Variants in RASA3 observed in about 807,000 individuals in gnomAD.
RASA3 encodes RAS p21 protein activator 3.
In RASA3, 73 loss-of-function variants were observed where a neutral mutation model predicts 110.0. The ratio of observed to expected loss-of-function variants is 0.66; its 90% CI spans 0.55 to 0.81. The LOEUF (loss-of-function observed/expected upper bound fraction) is 0.81. RASA3 is among the 30% of genes least tolerant of loss of function. The pLI, the probability that RASA3 is intolerant of heterozygous loss-of-function variation, is 0.00. For missense variants in RASA3, 976 were observed against 1,113.2 expected (o/e 0.88, Z 1.75); for synonymous variants, 500 against 451.4 (o/e 1.11, Z -1.37).
rs1309651608 is a variant in RASA3, at chr13:113,978,353, G to A, written c.*994C>T. On this transcript the variant is annotated 3_prime_UTR_variant, in exon 24 of 24. Transcript: ENST00000334062. ...TTGATTTTCTGGAGGACCTGCAGCT[G>A]GCCTTCCTGAGACAGGCTCCATTCC... 1.3e-5 allele frequency: 2 copies of A among 152,410 alleles called. No individual in the cohort carries two copies. The highest frequency in any genetic ancestry group is 6.8e-3 in the Middle Eastern group (2 of 294). 9.4% of individuals were successfully genotyped at this position (152,410 alleles called of 1,614,324 possible).
chr13:114,020,504 G>C (rs2053903426), intron 9 of RASA3, among the ~76,000 whole-genome samples: 1 of 152,320 alleles, frequency 6.6e-6, no homozygotes, highest in East Asian at 1.9e-4. Flanking sequence ...ACGGTTTCTG[G>C]GATGGAAACC....
Position 114,048,314 on chromosome 13 carries a change from C to CA in RASA3, c.277+3737dup, listed in dbSNP as rs566493305. ...TGGGCGACAGAAAGAGACTCCGTCT[C>CA]AAAAAAAAAAAAAAAGAAGAAGAAA... On this transcript the variant is annotated intron_variant, in intron 3 of 23. Coordinates refer to ENST00000334062, the MANE Select transcript of RASA3 (RefSeq NM_007368.4). The surrounding 1 kb of genome is among the most constrained non-coding windows in gnomAD (Gnocchi z 4.3). 0.2 allele frequency among the ~76,000 whole-genome samples: 23,351 copies of CA among 114,186 alleles called. 2,218 individuals are homozygous for CA. Among genetic ancestry groups the CA allele is most frequent in the Middle Eastern group, 0.26 (58 of 224 alleles). The allele number at this position is 114,186 out of a possible 152,430, so 74.9% of individuals were successfully genotyped here.
chr13:113,993,899 G>A (rs771047976), intron 21 of RASA3, among the ~76,000 whole-genome samples: 4 of 151,814 alleles, frequency 2.6e-5, no homozygotes, highest in African/African-American at 9.7e-5. Context: ...GTGGCCTCAC[G>A]GTTAATTTCA....
At chr13:114,020,542 TG>T (rs1260925406) in intron 9 of RASA3, among the ~76,000 whole-genome samples, 1 of 152,174 alleles carries the variant, frequency 6.6e-6, no homozygotes, top group Admixed American at 6.5e-5. Context: ...GAGGGACACA[TG>T]GGGTGCGAGG....
chr13:114,119,335 G>A (rs2080333983), intron 1 of RASA3, among the ~76,000 whole-genome samples: 1 of 152,208 alleles, frequency 6.6e-6, no homozygotes, highest in African/African-American at 2.4e-5. Context: ...GGAAATGATG[G>A]AGAGAGAAAG....
intron 3 of RASA3, among the ~76,000 whole-genome samples, chr13:114,043,137 AG>A (rs1663410751): frequency 1.1e-5 from 1 of 94,214 alleles, no homozygotes; most frequent in Non-Finnish European, 2.4e-5. Context: ...CTGCAAACTC[AG>A]AGGGTCTGAG....
chr13:113,978,230 G>A lies in RASA3; in HGVS notation c.*1117C>T, dbSNP rs2052822969. 1 of 152,214 alleles carries A rather than the reference G, an allele frequency of 6.6e-6. No homozygotes were observed. Among genetic ancestry groups the A allele is most frequent in the Non-Finnish European group, 1.5e-5 (1 of 68,080 alleles). 9.4% of individuals were successfully genotyped at this position (152,214 alleles called of 1,614,324 possible). ...CCCGCCCCTGCCCTGCACAGCATCT[G>A]GGGGTTCATAACACAGGTGCAATAC... is the stretch of plus-strand genomic sequence containing the variant. On this transcript the variant is annotated 3_prime_UTR_variant, in exon 24 of 24. Transcript: ENST00000334062.
At chr13:114,010,092 C>T (rs151174090) in intron 16 of RASA3, among the ~76,000 whole-genome samples, 12 of 152,358 alleles carry the variant, frequency 7.9e-5, no homozygotes, top group African/African-American at 2.9e-4. Flanking sequence ...TTCCAGCCCA[C>T]AGCGCAGGGC....
intron 1 of RASA3, among the ~76,000 whole-genome samples, chr13:114,109,893 G>A (rs529954307): frequency 1.2e-4 from 19 of 152,308 alleles, no homozygotes; most frequent in African/African-American, 4.6e-4. Flanking sequence ...TCTGGGAATC[G>A]AGGCAGCCCC....
At chr13:114,041,162 A>G in intron 3 of RASA3, 68 bp from the exon 4 acceptor site, 3 of 1,334,656 alleles carry the variant, frequency 2.2e-6, no homozygotes, top group Non-Finnish European at 2.2e-6. Context: ...TGTGAGCAGA[A>G]GCCAGCCCAT....
At chr13:114,060,744 C>T (rs935096434) in intron 2 of RASA3, among the ~76,000 whole-genome samples, 5 of 152,232 alleles carry the variant, frequency 3.3e-5, no homozygotes, top group Admixed American at 6.5e-5. Context: ...TGCGCTCGCC[C>T]GCGGTGGAGC....
chr13:114,027,278 C>T (rs960919180), intron 7 of RASA3, 111 bp downstream of exon 7: 25 of 990,858 alleles, frequency 2.5e-5, no homozygotes, highest in Non-Finnish European at 3.5e-5. Flanking sequence ...CGCTCCTCTC[C>T]GGAAGGAACT....
At position 114,098,504 on chromosome 13, in the gene RASA3, C is replaced by T. The variant is rs1056283109; in HGVS notation, c.56-24667G>A. On this transcript the variant is annotated intron_variant, in intron 1 of 23. Transcript: ENST00000334062. The stretch of plus-strand genomic sequence containing the variant: ...GCCCTGAGGCAGAGACGTGAACAGG[C>T]GAAAGTGCAGCAGGGCTGCAGCCCT... Among the ~76,000 whole-genome samples the T allele has an allele frequency of 8.4e-4, 128 of 152,108 alleles. 1 individual carries two copies. Among genetic ancestry groups the T allele is most frequent in the Admixed American group, 4.7e-3 (72 of 15,292 alleles).
chr13:114,010,334 G>A (rs923496821), intron 16 of RASA3, among the ~76,000 whole-genome samples: 2 of 151,908 alleles, frequency 1.3e-5, no homozygotes, highest in African/African-American at 2.4e-5. Context: ...ACGGAGCCCC[G>A]AGGGGGCCCG....
intron 2 of RASA3, among the ~76,000 whole-genome samples, chr13:114,054,171 C>T (rs1328754619): frequency 3.3e-5 from 5 of 151,928 alleles, no homozygotes; most frequent in Non-Finnish European, 5.9e-5. Flanking sequence ...AAAAGACAGA[C>T]TAGAAAAAAT....
intron 1 of RASA3, among the ~76,000 whole-genome samples, chr13:114,106,563 T>C (rs529987877): frequency 8.5e-5 from 13 of 152,358 alleles, no homozygotes; most frequent in Middle Eastern, 3.4e-3. Flanking sequence ...CGGAGCTTTG[T>C]AAATAAATGC....
In RASA3 at chr13:114,048,250, G is replaced by A. The variant is rs1206955928; in HGVS notation, c.277+3802C>T. On this transcript the variant is annotated intron_variant, in intron 3 of 23. Coordinates refer to ENST00000334062, the MANE Select transcript of RASA3 (RefSeq NM_007368.4). The surrounding 1 kb of genome is among the most constrained non-coding windows in gnomAD (Gnocchi z 4.3). ...GAATGGCGTGAACCCGGGAGGTGGA[G>A]GTTGCAGTGAGCCGAGATCGCGCCA... Among the ~76,000 whole-genome samples the A allele has an allele frequency of 2.0e-5, 3 of 152,086 alleles. No individual in the cohort carries two copies. Among genetic ancestry groups the A allele is most frequent in the African/African-American group, 7.2e-5 (3 of 41,470 alleles).
chr13:113,999,748 G>A lies in RASA3; in HGVS notation c.1850-81C>T, dbSNP rs548735162. 386 of 1,095,082 alleles carry A rather than the reference G, an allele frequency of 3.5e-4. 2 individuals are homozygous for A. The African/African-American group carries it at 5.5e-3, about 16-fold the overall frequency. 67.8% of individuals were successfully genotyped at this position (1,095,082 alleles called of 1,614,324 possible). On this transcript the variant is annotated intron_variant, in intron 19 of 23. Transcript: ENST00000334062. ...CGGGTGGGGCTGAGGGGTCTCTGCC[G>A]GGGGGTCTCCCAGGGGGTCTTTACC...
At chr13:113,999,447 C>T (rs1258669109) in intron 20 of RASA3, 138 bp downstream of exon 20, 32 of 677,742 alleles carry the variant, frequency 4.7e-5, no homozygotes, top group Non-Finnish European at 7.5e-5. Flanking sequence ...GTGAACAACC[C>T]GAGTAACACG....
Sources: gnomAD v4.1 joint callset for allele counts (sites outside exome capture counted in the v4.1 genomes callset) on GRCh38, gnomAD v4.1.1 for gene constraint, Gnocchi (gnomAD v3.1) non-coding constraint, MANE v1.5 for transcripts, NCBI Gene and HGNC (gene_info 2026-07-23, HGNC 2026-07-21) for gene names.